Variants in AREL1 observed in about 807,000 individuals in gnomAD.
AREL1 encodes the protein apoptosis resistant E3 ubiquitin protein ligase 1, also known as apoptosis-resistant E3 ubiquitin protein ligase 1.
In AREL1, 62 loss-of-function variants were observed where a neutral mutation model predicts 99.0. That is an observed-to-expected ratio of 0.63 (90% CI 0.51 to 0.77). The LOEUF is 0.77. Ranked by LOEUF, AREL1 falls within the 30% of genes least tolerant of loss-of-function variation. AREL1 has a pLI of 0.00. For synonymous variants in AREL1, 380 were observed against 376.5 expected, an observed-to-expected ratio of 1.01 and a Z score of -0.11; for missense variants, 879 against 1,027.6, an observed-to-expected ratio of 0.86 and a Z score of 1.98.
intron 1 of AREL1, among the ~76,000 whole-genome samples, chr14:74,708,146 G>C (rs1477125574): frequency 3.9e-5 from 6 of 152,114 alleles, no homozygotes; most frequent in Admixed American, 2.6e-4. Context: ...GGTTATGTAA[G>C]AAGTTAACAT....
Position 74,669,674 on chromosome 14 carries a change from T to C in AREL1, c.1889A>G (p.Tyr630Cys). The C allele has an allele frequency of 1.2e-6, 2 of 1,614,196 alleles. No individual in the cohort carries two copies. The highest frequency in any genetic ancestry group is 1.7e-6 in the Non-Finnish European group (2 of 1,180,022). ...CTTATCCAATTGACCTGATTTATTATATTTCTCTTCTGCAAAGACCAGCTC... is the reference window on the plus strand; with the variant it reads ...CTTATCCAATTGACCTGATTTATTACATTTCTCTTCTGCAAAGACCAGCTC... The part of the protein sequence containing the change: ...EMELVFAEEK[Y>C]NKSGQLDKVV... Residue 630 changes from tyrosine (Y) to cysteine (C), a missense_variant, in exon 15 of 20, where the codon TAT (tyrosine) becomes TGT (cysteine). Coordinates refer to ENST00000356357, the MANE Select transcript of AREL1 (RefSeq NM_001039479.2).
intron 1 of AREL1, among the ~76,000 whole-genome samples, chr14:74,708,460 T>C (rs916841206): frequency 6.6e-6 from 1 of 152,220 alleles, no homozygotes; most frequent in Non-Finnish European, 1.5e-5. Context: ...AAGTTTTAAC[T>C]GTTTTCTGTT....
chr14:74,703,884 T>C (rs1200558483), intron 1 of AREL1, among the ~76,000 whole-genome samples: 2 of 152,210 alleles, frequency 1.3e-5, no homozygotes, highest in African/African-American at 4.8e-5. Flanking sequence ...ATATGGTAAG[T>C]ATCTACTTAA....
At chr14:74,676,418 T>C (rs908683091) in intron 6 of AREL1, 97 bp from the exon 7 acceptor site, 10 of 1,468,992 alleles carry the variant, frequency 6.8e-6, no homozygotes, top group South Asian at 5.3e-5. Context: ...TATGATCTAA[T>C]CTAAATCACA....
In AREL1 at chr14:74,713,002, A is replaced by T; in HGVS notation, c.-403T>A. 1 of 869,180 alleles carries T rather than the reference A, an allele frequency of 1.2e-6. No homozygotes were observed. Among genetic ancestry groups the T allele is most frequent in the Non-Finnish European group, 1.9e-6 (1 of 524,446 alleles). The allele number at this position is 869,180 out of a possible 1,614,324, so 53.8% of individuals were successfully genotyped here. A position where few individuals can be genotyped will look rare whatever the true frequency, so the allele number is the denominator to read the frequency against. ...CTGGGAAGGGGCGGCAGCACTCAGC[A>T]GAAGACGGGCTCCCCACTCTCCCAC... On this transcript the variant is annotated 5_prime_UTR_variant, in exon 1 of 20. Coordinates refer to ENST00000356357, the MANE Select transcript of AREL1 (RefSeq NM_001039479.2).
intron 1 of AREL1, among the ~76,000 whole-genome samples, chr14:74,707,776 A>G (rs1318244679): frequency 1.5e-5 from 2 of 134,568 alleles, no homozygotes; most frequent in East Asian, 4.4e-4. Context: ...CCTGGGCGAC[A>G]GAGTGAGATT....
At chr14:74,677,046 G>A (rs920427383) in intron 5 of AREL1, among the ~76,000 whole-genome samples, 2 of 151,810 alleles carry the variant, frequency 1.3e-5, no homozygotes, top group African/African-American at 2.4e-5. Context: ...TGATCCGCCC[G>A]CCTTGGCCTC....
chr14:74,671,594 T>C, intron 11 of AREL1, 111 bp from the exon 12 acceptor site: 1 of 588,778 alleles, frequency 1.7e-6, no homozygotes, highest in East Asian at 3.2e-5. Flanking sequence ...TACGACTGCC[T>C]GAAGGAGATA....
chr14:74,703,493 G>A (rs1416594835), intron 1 of AREL1, among the ~76,000 whole-genome samples: 1 of 152,192 alleles, frequency 6.6e-6, no homozygotes, highest in Non-Finnish European at 1.5e-5. Flanking sequence ...AAGATAATGA[G>A]TAGAGAATTA....
chr14:74,688,316 C>T lies in AREL1; in HGVS notation c.-45-2656G>A, dbSNP rs529073765. On this transcript the variant is annotated intron_variant, in intron 2 of 19. Transcript: ENST00000356357. ...CTGGGATTACAGGCGTGAGCCACCACGCCCGGCCCTGAGTACTTACTCAAT... is the reference window on the plus strand; with the variant it reads ...CTGGGATTACAGGCGTGAGCCACCATGCCCGGCCCTGAGTACTTACTCAAT... Among the ~76,000 whole-genome samples the T allele has an allele frequency of 6.6e-5, 10 of 152,214 alleles. No homozygotes were observed. The East Asian group carries it at 1.9e-3, about 29-fold the overall frequency.
Position 74,676,074 on chromosome 14 carries a change from A to G in AREL1, c.832+67T>C, listed in dbSNP as rs1007879624. On this transcript the variant is annotated intron_variant, in intron 7 of 19. Coordinates refer to ENST00000356357, the MANE Select transcript of AREL1 (RefSeq NM_001039479.2). ...TATCAAATGTTTGTGAGGTCAGACA[A>G]AAGAGTGCAAACAGGCAAAGAAACG... is the stretch of plus-strand genomic sequence containing the variant. 53 of 1,571,516 alleles carry G rather than the reference A, an allele frequency of 3.4e-5. No homozygotes were observed. The Admixed American group carries it at 4.5e-4, about 13-fold the overall frequency.
At chr14:74,687,963 A>G (rs1410952447) in intron 2 of AREL1, among the ~76,000 whole-genome samples, 2 of 151,874 alleles carry the variant, frequency 1.3e-5, no homozygotes, top group East Asian at 1.9e-4. Flanking sequence ...AAATTTTACA[A>G]TAAAGGGTTA....
chr14:74,672,252 C>A (rs8018237), intron 11 of AREL1, among the ~76,000 whole-genome samples: 1,790 of 152,312 alleles, frequency 0.012, 46 homozygotes, highest in African/African-American at 0.042. Flanking sequence ...AGTAAGTAAA[C>A]TGCTCTTCCC....
Position 74,662,348 on chromosome 14 carries a change from T to C in AREL1, c.*1372A>G, listed in dbSNP as rs1308901559. 1 of 377,120 alleles carries C rather than the reference T, an allele frequency of 2.7e-6. No homozygotes were observed. The highest frequency in any genetic ancestry group is 4.7e-6 in the Non-Finnish European group (1 of 212,692). The allele number at this position is 377,120 out of a possible 1,614,324, so 23.4% of individuals were successfully genotyped here. A position where few individuals can be genotyped will look rare whatever the true frequency, so the allele number is the denominator to read the frequency against. ...TACTTGCTGGTTTTGGCAATAAAGA[T>C]GGCTTGTAATATTCTCAGAGTTGAC... On this transcript the variant is annotated 3_prime_UTR_variant, in exon 20 of 20. Transcript: ENST00000356357.
intron 15 of AREL1, among the ~76,000 whole-genome samples, chr14:74,668,719 C>A (rs995185109): frequency 6.6e-6 from 1 of 151,996 alleles, no homozygotes; most frequent in Non-Finnish European, 1.5e-5. Context: ...ATAGTGGTAC[C>A]AATGGTCACA....
chr14:74,712,328 A>G (rs888124496), intron 1 of AREL1, among the ~76,000 whole-genome samples: 1 of 152,180 alleles, frequency 6.6e-6, no homozygotes, highest in African/African-American at 2.4e-5. Flanking sequence ...GAGTCCACCA[A>G]TCTCATTAAG....
intron 3 of AREL1, among the ~76,000 whole-genome samples, chr14:74,684,927 G>A (rs2089716091): frequency 6.6e-6 from 1 of 152,172 alleles, no homozygotes; most frequent in South Asian, 2.1e-4. Context: ...GTTCCATTGG[G>A]ATACAGCCAC....
chr14:74,704,586 C>G (rs2090142060), intron 1 of AREL1, among the ~76,000 whole-genome samples: 1 of 152,106 alleles, frequency 6.6e-6, no homozygotes, highest in African/African-American at 2.4e-5. Context: ...CTAAGCAGTT[C>G]CCAGCTTTAC....
chr14:74,662,055 G>C lies in AREL1; in HGVS notation c.*1665C>G, dbSNP rs1384615528. ...TGGGCAAGCAGCAGCACCTTGTCCT[G>C]GTCCCTGAGGAGAGCAGTGACCATG... On this transcript the variant is annotated 3_prime_UTR_variant, in exon 20 of 20. Transcript: ENST00000356357. 1 of 152,888 alleles carries C rather than the reference G, an allele frequency of 6.5e-6. No homozygotes were observed. The highest frequency in any genetic ancestry group is 1.9e-4 in the East Asian group (1 of 5,202). The allele number at this position is 152,888 out of a possible 1,614,324, so 9.5% of individuals were successfully genotyped here. A position where few individuals can be genotyped will look rare whatever the true frequency, so the allele number is the denominator to read the frequency against.
Sources: allele counts gnomAD v4.1 joint callset (sites outside exome capture counted in the v4.1 genomes callset), GRCh38; gene constraint gnomAD v4.1.1; transcripts MANE v1.5; gene names NCBI Gene and HGNC (gene_info 2026-07-23, HGNC 2026-07-21).